The following DRC8 variants were observed in gnomAD, a reference collection of about 807,000 sequenced individuals.
DRC8 encodes dynein regulatory complex subunit 8, also known as dynein regulatory complex protein 8.
chr1:244,996,548 A>C, the DRC8 span, among the ~76,000 whole-genome samples: 1 of 152,144 alleles, frequency 6.6e-6, no homozygotes, highest in Non-Finnish European at 1.5e-5. Context: ...ACATGTTCTA[A>C]GCATTGTGTT....
At chr1:245,112,415 C>A in the DRC8 span, among the ~76,000 whole-genome samples, 1 of 152,138 alleles carries the variant, frequency 6.6e-6, no homozygotes, top group Non-Finnish European at 1.5e-5. Context: ...TTACTTATTT[C>A]ATTTAAAGTT....
At chr1:245,097,385 G>A in the DRC8 span, among the ~76,000 whole-genome samples, 2 of 152,098 alleles carry the variant, frequency 1.3e-5, no homozygotes, top group Non-Finnish European at 2.9e-5. The surrounding 1 kb of genome is among the most constrained non-coding windows in gnomAD (Gnocchi z 5.0). Context: ...GGGCATGGTG[G>A]CGGGCGCCTG....
chr1:245,049,914 C>A, the DRC8 span, among the ~76,000 whole-genome samples: 1 of 152,212 alleles, frequency 6.6e-6, no homozygotes, highest in African/African-American at 2.4e-5. This position sits in a 1 kb window ranked among gnomAD's most constrained non-coding sequence, Gnocchi z 4.5. Context: ...GTTCACTTTT[C>A]CTCATCTGTA....
At chr1:245,060,764 G>A in the DRC8 span, among the ~76,000 whole-genome samples, 1 of 152,178 alleles carries the variant, frequency 6.6e-6, no homozygotes, top group African/African-American at 2.4e-5. Context: ...AAATACCTCC[G>A]AAGGTCAGAA....
At chr1:244,975,995 G>A in the DRC8 span, among the ~76,000 whole-genome samples, 9 of 152,066 alleles carry the variant, frequency 5.9e-5, no homozygotes, top group African/African-American at 1.7e-4. Context: ...TTGGCCAGGC[G>A]TGGTGGCTCC....
the DRC8 span, among the ~76,000 whole-genome samples, chr1:245,064,942 T>G: frequency 2.6e-3 from 402 of 152,298 alleles, 1 homozygote; most frequent in African/African-American, 9.2e-3. Flanking sequence ...GTGGGCCTTT[T>G]CAAACTAGTG....
the DRC8 span, among the ~76,000 whole-genome samples, chr1:244,974,938 A>T: frequency 3.4e-5 from 5 of 145,306 alleles, no homozygotes; most frequent in East Asian, 4.0e-4. Context: ...TTTTATTTTT[A>T]TTTTTTTTTT....
At chr1:245,108,946 C>A in the DRC8 span, among the ~76,000 whole-genome samples, 9 of 152,180 alleles carry the variant, frequency 5.9e-5, no homozygotes, top group East Asian at 1.7e-3. Context: ...TGGGTTTTGT[C>A]AAAAGCAGAA....
the DRC8 span, among the ~76,000 whole-genome samples, chr1:245,006,208 A>G: frequency 1.3e-5 from 2 of 152,166 alleles, no homozygotes; most frequent in African/African-American, 4.8e-5. Context: ...CAAAATGTGG[A>G]TTATGGTTTG....
chr1:245,100,512 G>A, the DRC8 span, among the ~76,000 whole-genome samples: 1 of 152,076 alleles, frequency 6.6e-6, no homozygotes, highest in Non-Finnish European at 1.5e-5. Context: ...CTGGCACAGT[G>A]GCTTATGCCT....
At chr1:245,019,459 C>T in the DRC8 span, among the ~76,000 whole-genome samples, 4 of 152,082 alleles carry the variant, frequency 2.6e-5, no homozygotes, top group Non-Finnish European at 4.4e-5. Context: ...TTGATCATAA[C>T]TCACTGTATG....
the DRC8 span, among the ~76,000 whole-genome samples, chr1:244,987,156 A>G: frequency 6.6e-6 from 1 of 152,136 alleles, no homozygotes; most frequent in Non-Finnish European, 1.5e-5. Flanking sequence ...CATAAATGAA[A>G]GCACAGATTA....
chr1:245,031,254 G>A, the DRC8 span, among the ~76,000 whole-genome samples: 1 of 151,938 alleles, frequency 6.6e-6, no homozygotes, highest in African/African-American at 2.4e-5. Flanking sequence ...GGTGGAGATT[G>A]CATAGTCTAA....
At chr1:245,119,978 A>G in the DRC8 span, among the ~76,000 whole-genome samples, 17,492 of 140,758 alleles carry the variant, frequency 0.12, 1,238 homozygotes, top group Admixed American at 0.23. Context: ...ATAAAAGAGC[A>G]AGGAACTGAA....
At chr1:245,117,944 G>C in the DRC8 span, among the ~76,000 whole-genome samples, 1 of 152,030 alleles carries the variant, frequency 6.6e-6, no homozygotes, top group Non-Finnish European at 1.5e-5. Context: ...CTCCAGCCTG[G>C]GTGACAGAGT....
chr1:244,987,036 G>A, the DRC8 span, among the ~76,000 whole-genome samples: 14 of 152,136 alleles, frequency 9.2e-5, no homozygotes, highest in South Asian at 4.1e-4. Flanking sequence ...GGCTGTCTGT[G>A]TATGTCACTA....
the DRC8 span, among the ~76,000 whole-genome samples, chr1:245,025,135 G>A: frequency 2.0e-5 from 3 of 152,028 alleles, no homozygotes; most frequent in Non-Finnish European, 4.4e-5. Context: ...AGTAGTTTTA[G>A]TAGAATAAAT....
chr1:244,993,446 G>A, the DRC8 span, among the ~76,000 whole-genome samples: 1 of 152,310 alleles, frequency 6.6e-6, no homozygotes, highest in South Asian at 2.1e-4. Context: ...TTCCTTGGCT[G>A]TAGCTACTTA....
At chr1:245,119,998 TA>T in the DRC8 span, among the ~76,000 whole-genome samples, 1 of 152,116 alleles carries the variant, frequency 6.6e-6, no homozygotes, top group Non-Finnish European at 1.5e-5. Flanking sequence ...ACCCAGTGGA[TA>T]ATGCTGGGGC....
Sources: gnomAD v4.1 joint callset for allele counts (sites outside exome capture counted in the v4.1 genomes callset) on GRCh38, gnomAD v4.1.1 for gene constraint, Gnocchi (gnomAD v3.1) non-coding constraint, MANE v1.5 for transcripts, NCBI Gene and HGNC (gene_info 2026-07-23, HGNC 2026-07-21) for gene names.